THEMIS: variants seen among roughly 807,000 people sequenced by gnomAD.
The protein encoded by THEMIS is thymocyte selection associated.
A neutral mutation model predicts 52.6 loss-of-function variants in THEMIS; 37 were observed. The ratio of observed to expected loss-of-function variants is 0.70; its 90% confidence interval spans 0.54 to 0.93. THEMIS has a LOEUF of 0.93. THEMIS is among the 40% of genes least tolerant of loss of function. THEMIS has a pLI of 0.00. For synonymous variants in THEMIS, 292 were observed against 272.7 expected, an observed-to-expected ratio of 1.07 and a Z score of -0.70; for missense variants, 808 against 763.1, an observed-to-expected ratio of 1.06 and a Z score of -0.69.
chr6:127,714,912 T>C (rs1562209123), intron 5 of THEMIS, among the ~76,000 whole-genome samples: 1 of 151,910 alleles, frequency 6.6e-6, no homozygotes, highest in Non-Finnish European at 1.5e-5. Context: ...AGATCTCCCA[T>C]TGGTGAAGGC....
intron 4 of THEMIS, among the ~76,000 whole-genome samples, chr6:127,753,407 C>A (rs557680614): frequency 1.3e-5 from 2 of 152,012 alleles, no homozygotes; most frequent in East Asian, 3.9e-4. Flanking sequence ...ATCCCTCTTA[C>A]AATAGCATCA....
chr6:127,891,097 T>C (rs1780791337), intron 1 of THEMIS, among the ~76,000 whole-genome samples: 1 of 152,162 alleles, frequency 6.6e-6, no homozygotes, highest in Non-Finnish European at 1.5e-5. Context: ...CTTTTGTTTT[T>C]CTCACTAAAA....
intron 1 of THEMIS, among the ~76,000 whole-genome samples, chr6:127,855,697 T>C (rs1287033930): frequency 1.3e-5 from 2 of 151,968 alleles, no homozygotes; most frequent in African/African-American, 4.8e-5. Context: ...TTTTTGCCCA[T>C]TTTTATCTCT....
downstream of THEMIS, among the ~76,000 whole-genome samples, chr6:127,703,339 G>A (rs534456333): frequency 7.2e-5 from 11 of 152,234 alleles, no homozygotes; most frequent in East Asian, 1.4e-3. Context: ...GAGACACCGC[G>A]CCCGGCTAGA....
chr6:127,798,958 G>C (rs1391529515), intron 4 of THEMIS, among the ~76,000 whole-genome samples: 6 of 144,444 alleles, frequency 4.2e-5, no homozygotes, highest in South Asian at 2.2e-4. Context: ...TGCCACTGCA[G>C]TCCAGCCTGG....
chr6:127,736,311 T>C (rs1319781490), intron 4 of THEMIS, among the ~76,000 whole-genome samples: 1 of 152,120 alleles, frequency 6.6e-6, no homozygotes, highest in African/African-American at 2.4e-5. Context: ...AGTATAGTTG[T>C]CTCTCTCACA....
At chr6:127,864,205 G>A (rs1052351276) in intron 1 of THEMIS, among the ~76,000 whole-genome samples, 6 of 151,816 alleles carry the variant, frequency 4.0e-5, no homozygotes, top group African/African-American at 1.5e-4. Context: ...ACCAAGGGGG[G>A]CACAGTGCAT....
intron 5 of THEMIS, among the ~76,000 whole-genome samples, chr6:127,717,637 G>A (rs1482658673): frequency 1.3e-5 from 2 of 151,748 alleles, no homozygotes; most frequent in African/African-American, 2.4e-5. Flanking sequence ...TACACAATTC[G>A]TGTTCAGTCA....
intron 4 of THEMIS, among the ~76,000 whole-genome samples, chr6:127,757,507 G>A (rs1225105335): frequency 6.6e-6 from 1 of 151,614 alleles, no homozygotes; most frequent in Admixed American, 6.6e-5. Context: ...TTTTGAGACG[G>A]AGTCTCGCTT....
chr6:127,908,483 G>T (rs1339129013), intron 1 of THEMIS, among the ~76,000 whole-genome samples: 1 of 152,142 alleles, frequency 6.6e-6, no homozygotes, highest in East Asian at 1.9e-4. Context: ...TTTACACGCA[G>T]TTCTGCCTAC....
At chr6:127,776,961 T>A (rs191365556) in intron 4 of THEMIS, among the ~76,000 whole-genome samples, 226 of 152,300 alleles carry the variant, frequency 1.5e-3, no homozygotes, top group African/African-American at 4.7e-3. Context: ...AAGTCCATTT[T>A]ATATGGCCTC....
In THEMIS at chr6:127,765,041, T is replaced by C. The variant is rs565189747; in HGVS notation, c.1759-45218A>G. Among the ~76,000 whole-genome samples, 261 of 152,164 alleles carry C rather than the reference T, an allele frequency of 1.7e-3. 3 individuals carry two copies. Among genetic ancestry groups the C allele is most frequent in the Admixed American group, 3.1e-3 (48 of 15,282 alleles). ...CCCTTACATTCTCCAGGGATACCCG[T>C]TGAGACTTTCAAGAATTCTCAAAGT... On this transcript the variant is annotated intron_variant, in intron 4 of 5. Coordinates refer to ENST00000368248, the MANE Select transcript of THEMIS (RefSeq NM_001010923.3).
intron 3 of THEMIS, among the ~76,000 whole-genome samples, chr6:127,825,496 T>C (rs550820231): frequency 1.5e-4 from 23 of 152,316 alleles, no homozygotes; most frequent in African/African-American, 5.3e-4. Flanking sequence ...GTGTATAGAA[T>C]ATTTTTCAAA....
Position 127,813,055 on chromosome 6 carries a change from C to T in THEMIS, c.1586G>A (p.Arg529Lys). Residue 529 changes from arginine (R) to lysine (K), a missense_variant, in exon 4 of 6, where the codon AGG (arginine) becomes AAG (lysine). Physicochemically the swap from Arg to Lys is conservative, Grantham distance 26. Coordinates refer to ENST00000368248, the MANE Select transcript of THEMIS (RefSeq NM_001010923.3). ...TTCAGTGATCTCTTCTACCAGAGTC[C>T]TGACTAGAAATGGTTCTGCATCCCT... ...FSRDAEPFLV[R>K]TLVEEITEEQ... is the part of the protein sequence containing the mutation. 6.2e-7 allele frequency: 1 copy of T among 1,614,042 alleles called. No individual in the cohort carries two copies. The highest frequency in any genetic ancestry group is 8.5e-7 in the Non-Finnish European group (1 of 1,180,002).
intron 4 of THEMIS, among the ~76,000 whole-genome samples, chr6:127,744,916 G>T (rs1775334931): frequency 6.6e-6 from 1 of 151,848 alleles, no homozygotes. Context: ...TTATCACCTT[G>T]ATTGAGATAT....
At chr6:127,832,980 C>T (rs569671921) in intron 2 of THEMIS, among the ~76,000 whole-genome samples, 4 of 151,622 alleles carry the variant, frequency 2.6e-5, no homozygotes, top group South Asian at 2.1e-4. Flanking sequence ...GACAGGGTTT[C>T]GCCATGTTGG....
chr6:127,730,465 GAGAA>G (rs1774751714), intron 4 of THEMIS, among the ~76,000 whole-genome samples: 1 of 131,584 alleles, frequency 7.6e-6, no homozygotes, highest in African/African-American at 2.9e-5. Flanking sequence ...AAGAAAGAAA[GAGAA>G]AGAGACAGAA....
chr6:127,735,306 G>A (rs969197215), intron 4 of THEMIS, among the ~76,000 whole-genome samples: 5 of 148,554 alleles, frequency 3.4e-5, no homozygotes, highest in African/African-American at 1.2e-4. Flanking sequence ...GTTACAAATA[G>A]GGGCGTGTGT....
chr6:127,809,578 GA>G (rs959034458), intron 4 of THEMIS, among the ~76,000 whole-genome samples: 31 of 152,110 alleles, frequency 2.0e-4, no homozygotes, highest in African/African-American at 7.0e-4. Context: ...AGAATTAAAG[GA>G]ACTATTCATA....
Sources: allele counts gnomAD v4.1 joint callset (sites outside exome capture counted in the v4.1 genomes callset), GRCh38; gene constraint gnomAD v4.1.1; transcripts MANE v1.5; gene names NCBI Gene and HGNC (gene_info 2026-07-23, HGNC 2026-07-21).